Variants in CNTN1 observed in about 807,000 individuals in gnomAD.
CNTN1 encodes the protein contactin 1.
A neutral mutation model predicts 126.4 loss-of-function variants in CNTN1; 38 were observed. The ratio of observed to expected loss-of-function variants is 0.30; its 90% CI spans 0.23 to 0.39. CNTN1 has a LOEUF of 0.39. CNTN1 is among the 10% of genes least tolerant of loss of function. The pLI, the probability that CNTN1 is intolerant of heterozygous loss-of-function variation, is 1.00. For missense variants in CNTN1, 1,009 were observed against 1,248.4 expected (o/e 0.81, Z 2.89); for synonymous variants, 413 against 422.6 (o/e 0.98, Z 0.28).
chr12:41,029,007 A>AGCATT (rs1315558603), intron 22 of CNTN1, 56 bp from the exon 23 acceptor site: 28 of 1,509,606 alleles, frequency 1.9e-5, no homozygotes, highest in Non-Finnish European at 2.4e-5. Flanking sequence ...TTAGTGTTAG[A>AGCATT]GCATTGGCTC....
chr12:40,844,068 G>GTTTTTTTTTTTTT (rs1424373022), intron 1 of CNTN1, among the ~76,000 whole-genome samples: 1 of 40,236 alleles, frequency 2.5e-5, no homozygotes, highest in African/African-American at 7.0e-5. Context: ...TTGGCACAAT[G>GTTTTTTTTTTTTT]ATTTTTTTTT....
intron 1 of CNTN1, among the ~76,000 whole-genome samples, chr12:40,702,802 C>T (rs987903474): frequency 3.4e-4 from 52 of 152,124 alleles, no homozygotes; most frequent in African/African-American, 1.2e-3. Context: ...TTTTTCTTTC[C>T]ACATAGTATA....
chr12:41,045,572 G>A (rs1949523410), intron 23 of CNTN1, among the ~76,000 whole-genome samples: 1 of 152,100 alleles, frequency 6.6e-6, no homozygotes, highest in South Asian at 2.1e-4. Flanking sequence ...AAACTGGAAA[G>A]TGATATGTCA....
chr12:40,863,930 C>T (rs10784917), intron 1 of CNTN1, among the ~76,000 whole-genome samples: 39,091 of 99,884 alleles, frequency 0.39, 6,224 homozygotes, highest in African/African-American at 0.44. Context: ...CTTCCTTCCT[C>T]CCTCCCTCCC....
chr12:40,998,007 A>T (rs1222231619), intron 17 of CNTN1, among the ~76,000 whole-genome samples: 2 of 152,150 alleles, frequency 1.3e-5, no homozygotes, highest in East Asian at 3.8e-4. Flanking sequence ...TGTAGAAGAT[A>T]AAAAGGAGAA....
chr12:41,013,247 C>T (rs976164100), intron 17 of CNTN1, among the ~76,000 whole-genome samples: 4 of 152,108 alleles, frequency 2.6e-5, no homozygotes, highest in African/African-American at 7.2e-5. Context: ...TCTTACTGTA[C>T]ATGTGGCTGA....
At chr12:40,750,593 A>C (rs1349123643) in intron 1 of CNTN1, among the ~76,000 whole-genome samples, 1 of 152,184 alleles carries the variant, frequency 6.6e-6, no homozygotes, top group South Asian at 2.1e-4. Context: ...GCTTGAACCC[A>C]GGAGTTTAAG....
At chr12:40,783,575 T>C (rs182836979) in intron 1 of CNTN1, among the ~76,000 whole-genome samples, 47 of 152,250 alleles carry the variant, frequency 3.1e-4, no homozygotes, top group African/African-American at 1.1e-3. Context: ...TTATTGACAA[T>C]GTGACTTCTC....
At chr12:40,908,639 CTATTT>C in intron 2 of CNTN1, 146 bp downstream of exon 2, 1 of 567,604 alleles carries the variant, frequency 1.8e-6, no homozygotes, top group Non-Finnish European at 3.1e-6. Flanking sequence ...AAGGGTGACC[CTATTT>C]CCTTTTTAAT....
intron 17 of CNTN1, among the ~76,000 whole-genome samples, chr12:41,013,183 C>G (rs1303696224): frequency 6.6e-6 from 1 of 152,116 alleles, no homozygotes; most frequent in Non-Finnish European, 1.5e-5. Context: ...TCACTGTACC[C>G]TAATCTTATT....
At chr12:41,054,777 G>C (rs1479895679) in intron 23 of CNTN1, among the ~76,000 whole-genome samples, 2 of 151,980 alleles carry the variant, frequency 1.3e-5, no homozygotes, top group Non-Finnish European at 2.9e-5. Flanking sequence ...AGAATGTCAA[G>C]TCATGCAATA....
At chr12:40,757,126 CAAAG>C (rs1938642341) in intron 1 of CNTN1, among the ~76,000 whole-genome samples, 1 of 152,048 alleles carries the variant, frequency 6.6e-6, no homozygotes, top group Non-Finnish European at 1.5e-5. Context: ...CCTCATATGG[CAAAG>C]AAAGAGTGAC....
At chr12:41,054,916 G>T (rs74076965) in intron 23 of CNTN1, among the ~76,000 whole-genome samples, 8 of 151,976 alleles carry the variant, frequency 5.3e-5, no homozygotes, top group African/African-American at 1.9e-4. Context: ...GTGGTTTATC[G>T]TCAGCCATTT....
chr12:40,746,947 T>C (rs1033551186), intron 1 of CNTN1, among the ~76,000 whole-genome samples: 1 of 152,026 alleles, frequency 6.6e-6, no homozygotes, highest in African/African-American at 2.4e-5. Flanking sequence ...AACCAATTAT[T>C]ACTTTAGAGA....
chr12:41,007,706 T>C (rs1219580360), intron 17 of CNTN1, among the ~76,000 whole-genome samples: 2 of 149,366 alleles, frequency 1.3e-5, no homozygotes, highest in African/African-American at 4.8e-5. Context: ...CGGAAGGTGG[T>C]TGTCCCACTC....
chr12:40,813,814 G>A (rs1941171185), intron 1 of CNTN1, among the ~76,000 whole-genome samples: 1 of 152,140 alleles, frequency 6.6e-6, no homozygotes, highest in Non-Finnish European at 1.5e-5. Context: ...CCCACCAACA[G>A]TGTAAAAATA....
intron 1 of CNTN1, among the ~76,000 whole-genome samples, chr12:40,822,606 C>T (rs1169400243): frequency 2.6e-5 from 4 of 151,916 alleles, no homozygotes; most frequent in Admixed American, 6.6e-5. Flanking sequence ...TGTGATATAA[C>T]GTAATAAACA....
intron 17 of CNTN1, among the ~76,000 whole-genome samples, chr12:41,006,381 C>G (rs543519028): frequency 6.6e-6 from 1 of 152,306 alleles, no homozygotes; most frequent in East Asian, 1.9e-4. Context: ...GTGGCAGAGG[C>G]AACACAGCTG....
At chr12:40,824,905 G>A (rs1941560350) in intron 1 of CNTN1, among the ~76,000 whole-genome samples, 1 of 152,032 alleles carries the variant, frequency 6.6e-6, no homozygotes, top group Non-Finnish European at 1.5e-5. Context: ...TTATCTAGCA[G>A]TTATTTTACA....
Sources: allele counts gnomAD v4.1 joint callset (sites outside exome capture counted in the v4.1 genomes callset), GRCh38; gene constraint gnomAD v4.1.1; transcripts MANE v1.5; gene names NCBI Gene and HGNC (gene_info 2026-07-23, HGNC 2026-07-21).